The following RFC1 variants were observed in gnomAD, a reference collection of about 807,000 sequenced individuals.
RFC1 encodes the protein A1 140 kDa subunit.
In RFC1, 37 loss-of-function variants were observed where a neutral mutation model predicts 137.4. The observed-to-expected ratio is 0.27, with a 90% CI of 0.21 to 0.35. The LOEUF (loss-of-function observed/expected upper bound fraction) is 0.35. RFC1 is among the 10% of genes least tolerant of loss of function. The pLI is 1.00. For missense variants in RFC1, 1,205 were observed against 1,358.5 expected (o/e 0.89, Z 1.78); for synonymous variants, 429 against 455.7 (o/e 0.94, Z 0.75).
Position 39,309,021 on chromosome 4 carries a change from C to G in RFC1, c.1500G>C (p.Glu500Asp). ...TTTGGGGTGTTCTCTCCAGTTTGGA[C>G]TCTTTCTTCATCTTAAGAAGTGGAA... is the stretch of plus-strand genomic sequence containing the variant. ...EIAVETEMKK[E>D]SKLERTPQKN... The change falls in exon 13 of 25, where the codon GAG (glutamate) becomes GAC (aspartate). Residue 500 changes from glutamate to aspartate, a missense_variant. Glu to Asp is a conservative substitution (Grantham distance 45). Coordinates refer to ENST00000349703, the MANE Select transcript of RFC1 (RefSeq NM_002913.5). 1.3e-6 allele frequency: 2 copies of G among 1,594,648 alleles called. No individual in the cohort carries two copies. Among genetic ancestry groups the G allele is most frequent in the Non-Finnish European group, 1.7e-6 (2 of 1,175,102 alleles).
chr4:39,290,388 C>T (rs1300495089), intron 23 of RFC1, among the ~76,000 whole-genome samples: 2 of 149,686 alleles, frequency 1.3e-5, no homozygotes, highest in Non-Finnish European at 3.0e-5. Flanking sequence ...AAAAAAAATA[C>T]GTATATATAT....
At chr4:39,336,755 T>C (rs1398965997) in intron 4 of RFC1, among the ~76,000 whole-genome samples, 1 of 152,234 alleles carries the variant, frequency 6.6e-6, no homozygotes, top group East Asian at 1.9e-4. Context: ...GAAACACTGA[T>C]TTATGGCAAG....
At chr4:39,314,169 G>GA (rs1739119648) in intron 10 of RFC1, among the ~76,000 whole-genome samples, 1 of 152,106 alleles carries the variant, frequency 6.6e-6, no homozygotes, top group African/African-American at 2.4e-5. Context: ...AAGACAAAAA[G>GA]AAACAGCTAT....
intron 9 of RFC1, among the ~76,000 whole-genome samples, chr4:39,320,034 G>A (rs927589852): frequency 2.0e-5 from 3 of 152,146 alleles, no homozygotes; most frequent in Non-Finnish European, 4.4e-5. Context: ...ATGGATAAGG[G>A]GGAATACTGT....
chr4:39,320,531 C>T lies in RFC1; in HGVS notation c.947G>A (p.Ser316Asn). 6.2e-7 allele frequency: 1 copy of T among 1,613,434 alleles called. No homozygotes were observed. Among genetic ancestry groups the T allele is most frequent in the South Asian group, 1.1e-5 (1 of 90,914 alleles). ...TCTTTTCATAATTGCCAGCTTAGAA[C>T]TGGCCTTGGGAGAAGAGACTTCTCC... ...KIGEVSSPKA[S>N]SKLAIMKRKE... Residue 316 changes from serine to asparagine, a missense_variant, in exon 9 of 25, where the codon AGT becomes AAT. By Grantham distance (46) the Ser-to-Asn change is conservative. Around this residue, in one of 3 missense-constraint regions of RFC1, gnomAD observed 962 missense variants for 1,035.3 expected, o/e 0.93. Coordinates refer to ENST00000349703, the MANE Select transcript of RFC1 (RefSeq NM_002913.5).
chr4:39,300,425 AGAGGG>A lies in RFC1; in HGVS notation c.2536-16_2536-12del. On this transcript the variant is annotated splice_polypyrimidine_tract_variant and intron_variant, in intron 19 of 24. Coordinates refer to ENST00000349703, the MANE Select transcript of RFC1 (RefSeq NM_002913.5). Reference sequence around the variant, plus strand: ...AACATCAAATGGGCCCTGAAAAAAGAGAGGGACACACCTATTAGAATGGCCAAAAT... The same window carrying A: ...AACATCAAATGGGCCCTGAAAAAAGAACACACCTATTAGAATGGCCAAAAT... 6.2e-7 allele frequency: 1 copy of A among 1,611,750 alleles called. No individual in the cohort carries two copies. The highest frequency in any genetic ancestry group is 1.1e-5 in the South Asian group (1 of 90,960).
intron 1 of RFC1, among the ~76,000 whole-genome samples, chr4:39,360,088 C>T (rs541849220): frequency 1.6e-4 from 25 of 151,968 alleles, no homozygotes; most frequent in African/African-American, 5.8e-4. Context: ...TTTTTTTGGC[C>T]GGGTGCAGTG....
chr4:39,353,282 T>C (rs1257678734), intron 1 of RFC1, among the ~76,000 whole-genome samples: 1 of 148,838 alleles, frequency 6.7e-6, no homozygotes, highest in Non-Finnish European at 1.5e-5. Context: ...ATGCCTATAA[T>C]CCACCTGCTC....
At position 39,304,175 on chromosome 4, in the gene RFC1, A is replaced by C. The variant is rs117568793; in HGVS notation, c.2110+639T>G. ...CAGGTGACAAAACAACACACCATAG[A>C]CTCTAAATAGGCACTGTGCGGTCCT... is the stretch of plus-strand genomic sequence containing the variant. On this transcript the variant is annotated intron_variant, in intron 15 of 24. Transcript: ENST00000349703. Among the ~76,000 whole-genome samples, 73 of 152,176 alleles carry C rather than the reference A, an allele frequency of 4.8e-4. No individual in the cohort carries two copies. The East Asian group carries it at 0.013, about 27-fold the overall frequency.
In RFC1 at chr4:39,300,142, C is replaced by A; in HGVS notation, c.2691-4G>T. On this transcript the variant is annotated splice_polypyrimidine_tract_variant and splice_region_variant and intron_variant, in intron 20 of 24. Transcript: ENST00000349703. ...CAGGTGCTTTTTCATGTCACCCCTG[C>A]AGGAAAGAACCAGTCTGGATTATCC... is the stretch of plus-strand genomic sequence containing the variant. The A allele has an allele frequency of 6.2e-7, 1 of 1,613,252 alleles. No individual in the cohort carries two copies. Among genetic ancestry groups the A allele is most frequent in the East Asian group, 2.2e-5 (1 of 44,876 alleles).
intron 12 of RFC1, among the ~76,000 whole-genome samples, chr4:39,309,698 G>C (rs1395842238): frequency 2.0e-5 from 3 of 152,216 alleles, no homozygotes; most frequent in Admixed American, 2.0e-4. Context: ...GATAGGTACA[G>C]GGTTTCTTTT....
chr4:39,339,552 T>C (rs1457703473), intron 4 of RFC1, among the ~76,000 whole-genome samples: 1 of 152,276 alleles, frequency 6.6e-6, no homozygotes, highest in Non-Finnish European at 1.5e-5. Flanking sequence ...TCTGGAGAAA[T>C]GTCTATTCAG....
intron 4 of RFC1, among the ~76,000 whole-genome samples, chr4:39,340,211 G>C (rs772844578): frequency 6.6e-6 from 1 of 152,116 alleles, no homozygotes; most frequent in Non-Finnish European, 1.5e-5. Context: ...TAGAACCAAA[G>C]GTTGTTTTTA....
chr4:39,346,944 C>A (rs1740890027), intron 2 of RFC1, among the ~76,000 whole-genome samples: 1 of 152,204 alleles, frequency 6.6e-6, no homozygotes, highest in South Asian at 2.1e-4. Context: ...AGCTGCTGCC[C>A]ATTACAGGGG....
intron 1 of RFC1, among the ~76,000 whole-genome samples, chr4:39,364,926 C>T (rs1487567340): frequency 1.3e-5 from 2 of 151,908 alleles, no homozygotes; most frequent in East Asian, 1.9e-4. Context: ...TAAAATATTA[C>T]CACGTTCTTC....
intron 4 of RFC1, among the ~76,000 whole-genome samples, chr4:39,335,559 A>T (rs969995899): frequency 6.6e-6 from 1 of 152,154 alleles, no homozygotes; most frequent in Non-Finnish European, 1.5e-5. Context: ...TAAATAAGAG[A>T]AAAAAGTACT....
chr4:39,336,328 C>CA (rs33961509), intron 4 of RFC1, among the ~76,000 whole-genome samples: 148,681 of 152,296 alleles, frequency 0.98, 72,678 homozygotes, highest in Middle Eastern at 1. Flanking sequence ...GGCAGATCCA[C>CA]ACCACAGAAC....
chr4:39,294,798 T>C (rs1340071929), intron 22 of RFC1, among the ~76,000 whole-genome samples: 6 of 151,070 alleles, frequency 4.0e-5, no homozygotes, highest in Non-Finnish European at 1.5e-5. Context: ...AGGACAGGAG[T>C]TCAAGACCAG....
intron 2 of RFC1, among the ~76,000 whole-genome samples, chr4:39,348,424 A>AAAGAG (rs1217669975): frequency 1.4e-5 from 1 of 71,780 alleles, no homozygotes; most frequent in Non-Finnish European, 3.0e-5. Context: ...CTCTGTTTCA[A>AAAGAG]AAAAGAAAAG....
Sources: gnomAD v4.1 joint callset for allele counts (sites outside exome capture counted in the v4.1 genomes callset) on GRCh38, gnomAD v4.1.1 for gene constraint, gnomAD v4.1.1 regional missense constraint, MANE v1.5 for transcripts, NCBI Gene and HGNC (gene_info 2026-07-23, HGNC 2026-07-21) for gene names.